Variants in SEC11C observed in about 807,000 individuals in gnomAD.
SEC11C encodes SEC11 homolog C, signal peptidase complex subunit, also known as signal peptidase complex catalytic subunit SEC11C.
In SEC11C, 10 loss-of-function variants were observed where a neutral mutation model predicts 21.9. The ratio of observed to expected loss-of-function variants is 0.46; its 90% CI spans 0.28 to 0.77. The LOEUF (loss-of-function observed/expected upper bound fraction) is 0.77. Among genes scored for constraint, SEC11C ranks in the 30% least tolerant of loss-of-function variants. SEC11C has a pLI of 0.12. For missense variants in SEC11C, 145 were observed against 244.5 expected (o/e 0.59, Z 2.71); for synonymous variants, 83 against 85.6 (o/e 0.97, Z 0.17).
intron 2 of SEC11C, 94 bp from the exon 3 acceptor site, chr18:59,152,442 C>A: frequency 7.3e-7 from 1 of 1,365,110 alleles, no homozygotes; most frequent in Non-Finnish European, 9.8e-7. Context: ...CTCCTGAGAC[C>A]TACTTGACTA....
At chr18:59,143,727 A>T (rs1180338021) in intron 1 of SEC11C, among the ~76,000 whole-genome samples, 3 of 152,058 alleles carry the variant, frequency 2.0e-5, no homozygotes, top group East Asian at 1.9e-4. Flanking sequence ...TTTTCACTCA[A>T]CATACTGTGT....
At chr18:59,155,234 G>A (rs1603378174) in intron 3 of SEC11C, among the ~76,000 whole-genome samples, 1 of 152,198 alleles carries the variant, frequency 6.6e-6, no homozygotes, top group African/African-American at 2.4e-5. Context: ...TGTCAGCAGC[G>A]TTTTTGTGTG....
chr18:59,153,893 G>C (rs983135032), intron 3 of SEC11C, among the ~76,000 whole-genome samples: 2 of 152,234 alleles, frequency 1.3e-5, no homozygotes, highest in East Asian at 3.9e-4. Context: ...TTTTAGTAGA[G>C]ATGGGGTTTC....
chr18:59,152,147 T>C (rs1335848382), intron 2 of SEC11C, among the ~76,000 whole-genome samples: 1 of 152,076 alleles, frequency 6.6e-6, no homozygotes, highest in Non-Finnish European at 1.5e-5. Context: ...GCTGGAGGCC[T>C]GCTCTAAAGT....
chr18:59,157,618 T>G lies in SEC11C; in HGVS notation c.478T>G (p.Tyr160Asp), dbSNP rs1392519880. 6.2e-7 allele frequency: 1 copy of G among 1,606,552 alleles called. No individual in the cohort carries two copies. The highest frequency in any genetic ancestry group is 1.1e-5 in the South Asian group (1 of 90,868). ...TATCCCACAATTTAGGTTTTTACCA[T>G]ATGTTGGTATGGTCACCATAATAAT... ...VVGRARGFLP[Y>D]VGMVTIIMND... The change falls in exon 5 of 6, where the codon TAT becomes GAT. Residue 160 changes from tyrosine (Y) to aspartate (D), a missense_variant. By Grantham distance (160) the Tyr-to-Asp change is radical. Coordinates refer to ENST00000587834, the MANE Select transcript of SEC11C (RefSeq NM_033280.4).
chr18:59,141,962 A>G (rs1045638613), intron 1 of SEC11C, among the ~76,000 whole-genome samples: 3 of 152,214 alleles, frequency 2.0e-5, no homozygotes, highest in African/African-American at 7.2e-5. Flanking sequence ...GTATGGACTT[A>G]GTTCTACACT....
rs530904664 is a variant in SEC11C, at chr18:59,151,021, C to T, written c.197+1399C>T. On this transcript the variant is annotated intron_variant, in intron 2 of 5. Transcript: ENST00000587834. ...AAGCAATTTGGTTTGTCAACATAAACCAATGACATCCCTAAGGGATGTGTG... is the reference window on the plus strand; with the variant it reads ...AAGCAATTTGGTTTGTCAACATAAATCAATGACATCCCTAAGGGATGTGTG... 2.4e-3 allele frequency among the ~76,000 whole-genome samples: 369 copies of T among 152,092 alleles called. 2 individuals carry two copies. Among genetic ancestry groups the T allele is most frequent in the African/African-American group, 8.6e-3 (355 of 41,478 alleles).
At chr18:59,147,038 C>A (rs12964336) in intron 1 of SEC11C, 49,411 of 152,060 alleles carry the variant, frequency 0.32, 8,850 homozygotes, top group African/African-American at 0.48. Flanking sequence ...GCATCGCCAG[C>A]TGATCCTAGT....
At chr18:59,154,366 T>C (rs2069395577) in intron 3 of SEC11C, among the ~76,000 whole-genome samples, 1 of 152,224 alleles carries the variant, frequency 6.6e-6, no homozygotes, top group African/African-American at 2.4e-5. Flanking sequence ...TTTCAAATCT[T>C]TGGGGGCTTT....
At chr18:59,141,944 A>G (rs948519244) in intron 1 of SEC11C, among the ~76,000 whole-genome samples, 2 of 152,230 alleles carry the variant, frequency 1.3e-5, no homozygotes, top group Admixed American at 6.5e-5. Context: ...TTGGTTGACA[A>G]TGACTGAGTA....
chr18:59,140,595 G>A (rs923219156), intron 1 of SEC11C, among the ~76,000 whole-genome samples: 1 of 152,226 alleles, frequency 6.6e-6, no homozygotes, highest in Admixed American at 6.5e-5. Flanking sequence ...CTCACAAGCT[G>A]TGCGCAATCA....
intron 2 of SEC11C, among the ~76,000 whole-genome samples, chr18:59,151,482 A>G (rs575668660): frequency 2.6e-5 from 4 of 152,092 alleles, no homozygotes; most frequent in Non-Finnish European, 5.9e-5. Context: ...AGATTGGCTG[A>G]TTTTGAATGC....
chr18:59,143,079 G>C (rs539798064), intron 1 of SEC11C, among the ~76,000 whole-genome samples: 1 of 152,296 alleles, frequency 6.6e-6, no homozygotes, highest in East Asian at 1.9e-4. Context: ...TAGGCTGAGT[G>C]CAGTGGCTCA....
Position 59,141,077 on chromosome 18 carries a change from A to C in SEC11C, c.87+1042A>C, listed in dbSNP as rs1248564685. On this transcript the variant is annotated intron_variant, in intron 1 of 5. Transcript: ENST00000587834. ...GATGGCATCCAGTTTCATTTGCTCC[A>C]TCATGTTGAGATGTGGGGTGGTGCC... Among the ~76,000 whole-genome samples, 3 of 152,162 alleles carry C rather than the reference A, an allele frequency of 2.0e-5. No individual in the cohort carries two copies. The East Asian group carries it at 5.8e-4, about 29-fold the overall frequency.
intron 1 of SEC11C, chr18:59,146,916 G>C (rs1469207138): frequency 6.6e-6 from 1 of 152,226 alleles, no homozygotes; most frequent in African/African-American, 2.4e-5. Flanking sequence ...CGATGATTCT[G>C]AGGTGCAGCC....
intron 1 of SEC11C, among the ~76,000 whole-genome samples, chr18:59,149,114 G>A (rs2069315753): frequency 6.6e-6 from 1 of 152,222 alleles, no homozygotes; most frequent in Non-Finnish European, 1.5e-5. Flanking sequence ...TCCACAGTGT[G>A]TGGATCTGGG....
chr18:59,144,564 A>G (rs12605918), intron 1 of SEC11C, among the ~76,000 whole-genome samples: 17,213 of 152,056 alleles, frequency 0.11, 1,487 homozygotes, highest in East Asian at 0.39. Context: ...CTACCAAAGA[A>G]AAAAATTTAG....
rs755793771 is a variant in SEC11C, at chr18:59,149,658, C to G, written c.197+36C>G. On this transcript the variant is annotated intron_variant, in intron 2 of 5. Transcript: ENST00000587834. ...CAGGCTGGCCTCCAGCCTCCAACCTCCATCACAAGGCTGCCTTGGGCCTGA... is the reference window on the plus strand; with the variant it reads ...CAGGCTGGCCTCCAGCCTCCAACCTGCATCACAAGGCTGCCTTGGGCCTGA... The G allele has an allele frequency of 3.6e-6, 5 of 1,390,890 alleles. No individual in the cohort carries two copies. In the African/African-American group the frequency reaches 7.1e-5, roughly 20 times the overall value. The allele number at this position is 1,390,890 out of a possible 1,614,324, so 86.2% of individuals were successfully genotyped here.
intron 1 of SEC11C, among the ~76,000 whole-genome samples, chr18:59,148,232 G>T (rs2069301529): frequency 6.6e-6 from 1 of 152,210 alleles, no homozygotes; most frequent in African/African-American, 2.4e-5. Flanking sequence ...AGGTACCAAA[G>T]TAAGGAGCCT....
Sources: gnomAD v4.1 joint callset for allele counts (sites outside exome capture counted in the v4.1 genomes callset) on GRCh38, gnomAD v4.1.1 for gene constraint, MANE v1.5 for transcripts, NCBI Gene and HGNC (gene_info 2026-07-23, HGNC 2026-07-21) for gene names.